Variants in BORA observed in about 807,000 individuals in gnomAD.
BORA encodes the protein protein aurora borealis.
BORA carries 26 observed loss-of-function variants against 55.8 expected under a neutral mutation model. The observed-to-expected ratio is 0.47, with a 90% CI of 0.34 to 0.65. The LOEUF (loss-of-function observed/expected upper bound fraction) is 0.65. BORA is among the 30% of genes least tolerant of loss of function. The pLI, the probability that BORA is intolerant of heterozygous loss-of-function variation, is 0.01. For synonymous variants in BORA, 201 were observed against 216.9 expected, an observed-to-expected ratio of 0.93 and a Z score of 0.64; for missense variants, 568 against 671.5, an observed-to-expected ratio of 0.85 and a Z score of 1.70.
intron 10 of BORA, among the ~76,000 whole-genome samples, chr13:72,751,938 G>C (rs1346975409): frequency 6.6e-6 from 1 of 152,132 alleles, no homozygotes; most frequent in East Asian, 1.9e-4. Flanking sequence ...TAACAAACAA[G>C]GGGGACTGAG....
intron 1 of BORA, 82 bp from the exon 2 acceptor site, chr13:72,728,844 T>C: frequency 7.9e-7 from 1 of 1,271,040 alleles, no homozygotes; most frequent in Non-Finnish European, 1.1e-6. Context: ...TGTGACACAT[T>C]TGTCGAGTAC....
intron 4 of BORA, among the ~76,000 whole-genome samples, chr13:72,735,701 C>A (rs548292167): frequency 6.6e-6 from 1 of 152,212 alleles, no homozygotes; most frequent in East Asian, 1.9e-4. Context: ...TCTCCGCCTC[C>A]CAGGTTCAAG....
intron 1 of BORA, 156 bp downstream of exon 1, chr13:72,728,163 T>A: frequency 9.4e-7 from 1 of 1,061,838 alleles, no homozygotes; most frequent in Non-Finnish European, 1.4e-6. Context: ...AGTGGCCACG[T>A]AGGGTTGGGG....
intron 5 of BORA, 61 bp downstream of exon 5, chr13:72,738,104 TATC>T: frequency 8.5e-7 from 1 of 1,179,732 alleles, no homozygotes; most frequent in Non-Finnish European, 1.2e-6. Flanking sequence ...TAAAGCAACA[TATC>T]ATGAAGTGCC....
At position 72,744,502 on chromosome 13, in the gene BORA, C is replaced by T; in HGVS notation, c.455-3C>T. On this transcript the variant is annotated splice_polypyrimidine_tract_variant and splice_region_variant and intron_variant, in intron 6 of 11. Coordinates refer to ENST00000390667, the MANE Select transcript of BORA (RefSeq NM_024808.5). ...ATTTGTTTATTTATTTGCTTGTTTC[C>T]AGCTGCTTGTCAGACATTGCTGTCT... 6.2e-7 allele frequency: 1 copy of T among 1,609,398 alleles called. No homozygotes were observed. Among genetic ancestry groups the T allele is most frequent in the Non-Finnish European group, 8.5e-7 (1 of 1,177,018 alleles).
intron 3 of BORA, among the ~76,000 whole-genome samples, chr13:72,734,037 A>G (rs952045768): frequency 1.3e-5 from 2 of 152,166 alleles, no homozygotes; most frequent in East Asian, 1.9e-4. Flanking sequence ...GGGGAACAGC[A>G]CACACTGGGG....
At position 72,737,987 on chromosome 13, in the gene BORA, C is replaced by A; in HGVS notation, c.332C>A (p.Pro111His). The change falls in exon 5 of 12, where the codon CCC (proline) becomes CAC (histidine). Residue 111 changes from proline to histidine, a missense_variant. Coordinates refer to ENST00000390667, the MANE Select transcript of BORA (RefSeq NM_024808.5). ...EEFFTKDVIV[P>H]SPWTDHEGKQ... ...TTTTTCACTAAAGATGTCATCGTAC[C>A]CTCTCCTTGGACTGATCATGAAGGG... 6.3e-7 allele frequency: 1 copy of A among 1,592,502 alleles called. No individual in the cohort carries two copies. Among genetic ancestry groups the A allele is most frequent in the South Asian group, 1.1e-5 (1 of 88,044 alleles).
At chr13:72,731,534 C>T (rs1479908042) in intron 3 of BORA, 147 bp downstream of exon 3, 1 of 651,026 alleles carries the variant, frequency 1.5e-6, no homozygotes, top group African/African-American at 1.9e-5. Context: ...TGAATGAGTT[C>T]AAAGAACTAC....
At position 72,728,008 on chromosome 13, in the gene BORA, G is replaced by A; in HGVS notation, c.-16+1G>A. 1 of 1,468,654 alleles carries A rather than the reference G, an allele frequency of 6.8e-7. No individual in the cohort carries two copies. The highest frequency in any genetic ancestry group is 9.0e-7 in the Non-Finnish European group (1 of 1,106,054). 91.0% of individuals were successfully genotyped at this position (1,468,654 alleles called of 1,614,324 possible). A position where few individuals can be genotyped will look rare whatever the true frequency, so the allele number is the denominator to read the frequency against. The stretch of plus-strand genomic sequence containing the variant: ...TGGGGGCTTCGTTTTGTACGCACCG[G>A]TAGGTACGCTCTTTGTGGTCCCTGG... On this transcript the variant is annotated splice_donor_variant, in intron 1 of 11. Transcript: ENST00000390667. LOFTEE classifies it low-confidence loss of function (5UTR_SPLICE).
intron 2 of BORA, among the ~76,000 whole-genome samples, chr13:72,730,613 G>T (rs2032790826): frequency 1.3e-5 from 2 of 152,142 alleles, no homozygotes; most frequent in South Asian, 4.1e-4. Flanking sequence ...AAGTAAAGAC[G>T]TTTGTTAACT....
At chr13:72,728,157 G>C (rs1415366387) in intron 1 of BORA, 150 bp downstream of exon 1, 6 of 1,104,424 alleles carry the variant, frequency 5.4e-6, no homozygotes, top group Non-Finnish European at 4.0e-6. Flanking sequence ...AGAAAGAGTG[G>C]CCACGTAGGG....
chr13:72,747,168 T>C, intron 10 of BORA, 57 bp downstream of exon 10: 2 of 1,544,892 alleles, frequency 1.3e-6, no homozygotes, highest in Admixed American at 3.7e-5. Flanking sequence ...TCTTTATCCT[T>C]TCTAAGATTA....
At position 72,746,028 on chromosome 13, in the gene BORA, C is replaced by T. The variant is rs1415785456; in HGVS notation, c.823C>T (p.Pro275Ser). The T allele has an allele frequency of 6.2e-7, 1 of 1,612,582 alleles. No individual in the cohort carries two copies. Among genetic ancestry groups the T allele is most frequent in the Non-Finnish European group, 8.5e-7 (1 of 1,178,756 alleles). Residue 275 changes from proline (P) to serine (S), a missense_variant, in exon 9 of 12, where the codon CCC becomes TCC. Pro to Ser is a moderately conservative substitution (Grantham distance 74, BLOSUM62 -1). Coordinates refer to ENST00000390667, the MANE Select transcript of BORA (RefSeq NM_024808.5). The part of the protein sequence containing the change: ...SITSPSPISS[P>S]TFSPIEFQIG... The stretch of plus-strand genomic sequence containing the variant: ...AACTAGTCCTTCGCCTATTTCTTCA[C>T]CCACTTTCTCACCAATTGAATTTCA...
rs191478196 is a variant in BORA at position 72,728,046 on chromosome 13, T to A, written c.-16+39T>A. ...TTGTGGTCCCTGGCCTTTCCTCCTGTCTGAATGGAGAGGTTTCTTTTCCCA... is the reference window on the plus strand; with the variant it reads ...TTGTGGTCCCTGGCCTTTCCTCCTGACTGAATGGAGAGGTTTCTTTTCCCA... On this transcript the variant is annotated intron_variant, in intron 1 of 11. Coordinates refer to ENST00000390667, the MANE Select transcript of BORA (RefSeq NM_024808.5). The A allele has an allele frequency of 4.5e-3, 6,974 of 1,550,356 alleles. 18 individuals carry two copies. The highest frequency in any genetic ancestry group is 5.0e-3 in the Non-Finnish European group (5,784 of 1,146,832).
At chr13:72,733,604 C>T (rs2138045951) in intron 3 of BORA, among the ~76,000 whole-genome samples, 1 of 152,246 alleles carries the variant, frequency 6.6e-6, no homozygotes, top group Middle Eastern at 3.4e-3. Context: ...TCAGAGCTTA[C>T]TTGCTATTTG....
At chr13:72,733,961 A>C (rs192363528) in intron 3 of BORA, among the ~76,000 whole-genome samples, 186 of 152,310 alleles carry the variant, frequency 1.2e-3, no homozygotes, top group Non-Finnish European at 1.8e-3. Context: ...AGGAACAGAA[A>C]ACCAAACCCC....
In BORA at chr13:72,730,898, A is replaced by C. The variant is rs936364759; in HGVS notation, c.154-383A>C. On this transcript the variant is annotated intron_variant, in intron 2 of 11. Transcript: ENST00000390667. ...AAACCCCATCTCTACTAAAAAAAAA[A>C]AAAAAAAAAAAATACAAAAATTAGC... Among the ~76,000 whole-genome samples the C allele has an allele frequency of 1.6e-4, 18 of 111,994 alleles. No individual in the cohort carries two copies. The East Asian group carries it at 5.0e-3, about 31-fold the overall frequency. 73.5% of individuals were successfully genotyped at this position (111,994 alleles called of 152,430 possible).
chr13:72,745,434 C>CCAGATTGCTTT (rs2033121206), intron 8 of BORA, among the ~76,000 whole-genome samples: 1 of 152,114 alleles, frequency 6.6e-6, no homozygotes, highest in African/African-American at 2.4e-5. Flanking sequence ...TGTGAGCTGC[C>CCAGATTGCTTT]CAGATTGCTT....
Position 72,729,105 on chromosome 13 carries a change from C to A in BORA, c.153+12C>A. 1 of 1,527,314 alleles carries A rather than the reference C, an allele frequency of 6.5e-7. No individual in the cohort carries two copies. The highest frequency in any genetic ancestry group is 8.8e-7 in the Non-Finnish European group (1 of 1,139,100). The allele number at this position is 1,527,314 out of a possible 1,614,324, so 94.6% of individuals were successfully genotyped here. A position where few individuals can be genotyped will look rare whatever the true frequency, so the allele number is the denominator to read the frequency against. On this transcript the variant is annotated intron_variant, in intron 2 of 11. Transcript: ENST00000390667. ...CAACAAAATTACCAGTAAGTTATTC[C>A]TGACTAGTGTTTACAACTAATTTTA...
Sources: allele counts gnomAD v4.1 joint callset (sites outside exome capture counted in the v4.1 genomes callset), GRCh38; gene constraint gnomAD v4.1.1; transcripts MANE v1.5; gene names NCBI Gene and HGNC (gene_info 2026-07-23, HGNC 2026-07-21).